The following CXorf66 variants were observed in gnomAD, a reference collection of about 807,000 sequenced individuals.
The protein encoded by CXorf66 is uncharacterized protein CXorf66.
Under a neutral mutation model 5.0 loss-of-function variants are expected in CXorf66, and 6 were observed. The ratio of observed to expected loss-of-function variants is 1.20; its 90% CI spans 0.65 to 2.36. The LOEUF (loss-of-function observed/expected upper bound fraction) is 2.36. Ranked by LOEUF, CXorf66 falls within the 30% of genes most tolerant of loss-of-function variation. The pLI, the probability that CXorf66 is intolerant of heterozygous loss-of-function variation, is 0.00. For synonymous variants in CXorf66, 98 were observed against 102.8 expected (o/e 0.95, Z 0.28); for missense variants, 270 against 254.9 (o/e 1.06, Z -0.40).
At chrX:139,958,588 A>T (rs1404898032) in intron 1 of CXorf66, among the ~76,000 whole-genome samples, 2 of 111,978 alleles carry the variant, frequency 1.8e-5, no homozygotes, top group Non-Finnish European at 3.8e-5. Flanking sequence ...CCTCTGTTAA[A>T]AACCTACTAT....
At chrX:139,958,677 G>A (rs2085582699) in intron 1 of CXorf66, among the ~76,000 whole-genome samples, 1 of 111,359 alleles carries the variant, frequency 9.0e-6, no homozygotes, top group Admixed American at 9.6e-5. Flanking sequence ...CAGAAGGTGG[G>A]TGATATCTGC....
At chrX:139,957,430 TA>T (rs1303206840) in intron 2 of CXorf66, among the ~76,000 whole-genome samples, 2 of 111,391 alleles carry the variant, frequency 1.8e-5, no homozygotes, top group Non-Finnish European at 3.8e-5. Context: ...AAACTTTTTA[TA>T]AAAAAGTCAC....
chrX:139,964,358 A>G (rs1926641986), intron 1 of CXorf66, among the ~76,000 whole-genome samples: 2 of 111,853 alleles, frequency 1.8e-5, no homozygotes, highest in African/African-American at 6.5e-5. Context: ...CAAAACCACA[A>G]TGAGATACCA....
At chrX:139,964,475 T>G (rs1320194346) in intron 1 of CXorf66, among the ~76,000 whole-genome samples, 1 of 111,479 alleles carries the variant, frequency 9.0e-6, no homozygotes, top group African/African-American at 3.3e-5. Flanking sequence ...GAGTGTAAAT[T>G]AGTTCAACCA....
In CXorf66 at chrX:139,956,524, C is replaced by T. The variant is rs2085574214; in HGVS notation, c.458G>A (p.Gly153Glu). ...TGGATATGATGGCCTAGTTAACTTT[C>T]CTGCACTGTTTGGTATGGATGGCTT... ...LQKPSIPNSA[G>E]KLTRPSYPKR... The change falls in exon 3 of 3, where the codon GGA becomes GAA. Residue 153 changes from glycine to glutamate, a missense_variant. Gly to Glu is a moderately conservative substitution (Grantham distance 98). Coordinates refer to ENST00000370540, the MANE Select transcript of CXorf66 (RefSeq NM_001013403.3). 1 of 1,211,520 alleles carries T rather than the reference C, an allele frequency of 8.3e-7. No homozygotes were observed. Among genetic ancestry groups the T allele is most frequent in the Non-Finnish European group, 1.1e-6 (1 of 895,473 alleles).
chrX:139,961,795 A>T (rs1290961864), intron 1 of CXorf66, among the ~76,000 whole-genome samples: 2 of 111,974 alleles, frequency 1.8e-5, no homozygotes, highest in East Asian at 2.8e-4. Flanking sequence ...CTACATGGAA[A>T]CTGAACAACC....
intron 1 of CXorf66, among the ~76,000 whole-genome samples, chrX:139,958,497 C>G (rs923123953): frequency 4.5e-5 from 5 of 110,929 alleles, no homozygotes; most frequent in African/African-American, 1.6e-4. Flanking sequence ...GTGTGTGTGT[C>G]TTGCATGTAT....
At chrX:139,960,732 C>T (rs1432034969) in intron 1 of CXorf66, among the ~76,000 whole-genome samples, 2 of 111,824 alleles carry the variant, frequency 1.8e-5, no homozygotes, top group African/African-American at 6.5e-5. Context: ...GAGGATCTCT[C>T]TGCAGAAACT....
Position 139,964,240 on chromosome X carries a change from A to G in CXorf66, c.88+1169T>C, listed in dbSNP as rs140428803. On this transcript the variant is annotated intron_variant, in intron 1 of 2. Coordinates refer to ENST00000370540, the MANE Select transcript of CXorf66 (RefSeq NM_001013403.3). ...AAGAAAAAACAAACACCCCCATCAA[A>G]AAGTTGGCGAAGGATACGAACAGAC... is the stretch of plus-strand genomic sequence containing the variant. Among the ~76,000 whole-genome samples, 384 of 112,024 alleles carry G rather than the reference A, an allele frequency of 3.4e-3. 2 individuals carry two copies. Among genetic ancestry groups the G allele is most frequent in the African/African-American group, 0.011 (340 of 30,858 alleles).
Position 139,956,546 on chromosome X carries a change from G to C in CXorf66, c.436C>G (p.Pro146Ala). 1 of 1,211,156 alleles carries C rather than the reference G, an allele frequency of 8.3e-7. No homozygotes were observed. The change falls in exon 3 of 3, where the codon CCA becomes GCA. Residue 146 changes from proline (P) to alanine (A), a missense_variant. Physicochemically the swap from Pro to Ala is conservative, Grantham distance 27 (BLOSUM62 -1). Coordinates refer to ENST00000370540, the MANE Select transcript of CXorf66 (RefSeq NM_001013403.3). ...TTTCCTGCACTGTTTGGTATGGATG[G>C]CTTTTGTAGACTTGAGGGTCTGATT... The part of the protein sequence containing the change: ...KLIRPSSLQK[P>A]SIPNSAGKLT...
chrX:139,957,360 C>T (rs750883663), intron 2 of CXorf66, among the ~76,000 whole-genome samples: 2 of 108,340 alleles, frequency 1.8e-5, no homozygotes, highest in Admixed American at 1.9e-4. Context: ...GAGAAACACA[C>T]ACACACACAC....
In CXorf66 at chrX:139,957,520, G is replaced by A. The variant is rs763380019; in HGVS notation, c.242+544C>T. 9.9e-5 allele frequency among the ~76,000 whole-genome samples: 11 copies of A among 111,426 alleles called. No individual in the cohort carries two copies. In the East Asian group the frequency reaches 2.2e-3, roughly 23 times the overall value. ...ATCATATTTACAACATCAAGTTATC[G>A]GTGCATATTTAAATTCATAACATTC... On this transcript the variant is annotated intron_variant, in intron 2 of 2. Coordinates refer to ENST00000370540, the MANE Select transcript of CXorf66 (RefSeq NM_001013403.3).
At chrX:139,959,966 GA>G (rs2085587606) in intron 1 of CXorf66, among the ~76,000 whole-genome samples, 1 of 111,717 alleles carries the variant, frequency 9.0e-6, no homozygotes, top group African/African-American at 3.2e-5. Context: ...CAAAGATGAG[GA>G]AAACCCAGCA....
intron 1 of CXorf66, among the ~76,000 whole-genome samples, chrX:139,958,596 T>C (rs749170857): frequency 3.8e-4 from 43 of 111,948 alleles, no homozygotes; most frequent in Non-Finnish European, 7.7e-4. Context: ...AAAAACCTAC[T>C]ATATGCTGGA....
At position 139,964,788 on chromosome X, in the gene CXorf66, C is replaced by T. The variant is rs182816921; in HGVS notation, c.88+621G>A. Among the ~76,000 whole-genome samples, 361 of 111,138 alleles carry T rather than the reference C, an allele frequency of 3.2e-3. 3 individuals carry two copies. The highest frequency in any genetic ancestry group is 8.1e-3 in the Admixed American group (84 of 10,329). On this transcript the variant is annotated intron_variant, in intron 1 of 2. Coordinates refer to ENST00000370540, the MANE Select transcript of CXorf66 (RefSeq NM_001013403.3). ...GGACATGGGTAAAGCTGGAAACCATCATTCTCAGCAAACTAACAGAGGAAC... is the reference window on the plus strand; with the variant it reads ...GGACATGGGTAAAGCTGGAAACCATTATTCTCAGCAAACTAACAGAGGAAC...
chrX:139,962,299 A>C (rs1256921918), intron 1 of CXorf66, among the ~76,000 whole-genome samples: 1 of 112,164 alleles, frequency 8.9e-6, no homozygotes, highest in Non-Finnish European at 1.9e-5. Context: ...AAACACCTCT[A>C]TGCAAATAAA....
At chrX:139,957,577 C>T (rs966833987) in intron 2 of CXorf66, among the ~76,000 whole-genome samples, 1 of 111,463 alleles carries the variant, frequency 9.0e-6, no homozygotes, top group African/African-American at 3.3e-5. Flanking sequence ...GTACTGGTAC[C>T]ACGTTTTAGT....
In CXorf66 at chrX:139,957,485, T is replaced by A. The variant is rs183917317; in HGVS notation, c.242+579A>T. 4.4e-4 allele frequency among the ~76,000 whole-genome samples: 49 copies of A among 111,850 alleles called. No individual in the cohort carries two copies. In the East Asian group the frequency reaches 0.014, roughly 31 times the overall value. ...AAGAAAAAAACTGTAGGAAAAGTCA[T>A]TGTTTTTGTATCATATTTACAACAT... On this transcript the variant is annotated intron_variant, in intron 2 of 2. Transcript: ENST00000370540.
In CXorf66 at chrX:139,956,052, A is replaced by G. The variant is rs2041073879; in HGVS notation, c.930T>C (p.Phe310=). The change falls in exon 3 of 3, where the codon TTT becomes TTC. Residue 310 remains phenylalanine (F), a synonymous_variant. Coordinates refer to ENST00000370540, the MANE Select transcript of CXorf66 (RefSeq NM_001013403.3). ...SSKVKSSSRS[F]RKLDSRNNAY... Reference sequence around the variant, plus strand: ...CATTGTTCCTGGAATCTAACTTACGAAAGGACCTGGAAGAGGACTTGACTT... The same window carrying G: ...CATTGTTCCTGGAATCTAACTTACGGAAGGACCTGGAAGAGGACTTGACTT... 1.7e-6 allele frequency: 2 copies of G among 1,211,102 alleles called. No homozygotes were observed. The highest frequency in any genetic ancestry group is 2.2e-6 in the Non-Finnish European group (2 of 894,919).
Sources: allele counts gnomAD v4.1 joint callset (sites outside exome capture counted in the v4.1 genomes callset), GRCh38; gene constraint gnomAD v4.1.1; transcripts MANE v1.5; gene names NCBI Gene and HGNC (gene_info 2026-07-23, HGNC 2026-07-21).